The following CNTNAP5 variants were observed in gnomAD, a reference collection of about 807,000 sequenced individuals.
CNTNAP5 encodes the protein contactin associated protein family member 5, also known as contactin-associated protein-like 5.
A neutral mutation model predicts 150.2 loss-of-function variants in CNTNAP5; 72 were observed. That is an observed-to-expected ratio of 0.48 (90% CI 0.40 to 0.58). The LOEUF is 0.58. Ranked by LOEUF, CNTNAP5 falls within the 20% of genes least tolerant of loss-of-function variation. The pLI is 0.00. For synonymous variants in CNTNAP5, 672 were observed against 619.8 expected (o/e 1.08, Z -1.25); for missense variants, 1,636 against 1,626.2 (o/e 1.01, Z -0.10).
intron 3 of CNTNAP5, among the ~76,000 whole-genome samples, chr2:124,324,929 T>C (rs1458952872): frequency 1.3e-5 from 2 of 152,232 alleles, no homozygotes; most frequent in Non-Finnish European, 2.9e-5. Flanking sequence ...GCACACGGTT[T>C]GTGAAATGCT....
intron 3 of CNTNAP5, among the ~76,000 whole-genome samples, chr2:124,351,884 C>T (rs1319874695): frequency 1.3e-5 from 2 of 152,088 alleles, no homozygotes; most frequent in Non-Finnish European, 2.9e-5. Flanking sequence ...ATACACAACA[C>T]TAAGAGCTGG....
At chr2:124,052,557 T>G (rs1324549152) in intron 1 of CNTNAP5, among the ~76,000 whole-genome samples, 1 of 152,234 alleles carries the variant, frequency 6.6e-6, no homozygotes, top group Non-Finnish European at 1.5e-5. Flanking sequence ...AGATTTCCAT[T>G]CCAAAGTTCC....
At chr2:124,217,366 A>G (rs1196362279) in intron 1 of CNTNAP5, among the ~76,000 whole-genome samples, 1 of 152,136 alleles carries the variant, frequency 6.6e-6, no homozygotes, top group Non-Finnish European at 1.5e-5. Flanking sequence ...GTTCAGACAC[A>G]CTGTTAGAAG....
chr2:124,246,880 T>C (rs759102094), intron 3 of CNTNAP5, among the ~76,000 whole-genome samples: 1 of 152,164 alleles, frequency 6.6e-6, no homozygotes, highest in Non-Finnish European at 1.5e-5. Flanking sequence ...TTTCTCTTAT[T>C]AAAATTATGT....
intron 12 of CNTNAP5, among the ~76,000 whole-genome samples, chr2:124,643,626 C>A (rs889791474): frequency 2.6e-5 from 4 of 152,300 alleles, no homozygotes; most frequent in African/African-American, 9.6e-5. Context: ...GGAATGAAGT[C>A]CAAGCCCTCA....
intron 3 of CNTNAP5, among the ~76,000 whole-genome samples, chr2:124,274,503 T>C (rs926753182): frequency 2.6e-5 from 4 of 151,900 alleles, no homozygotes; most frequent in African/African-American, 9.7e-5. Flanking sequence ...GGTTTTTTTT[T>C]CCGCTGGCCA....
In CNTNAP5 at chr2:124,176,685, G is replaced by T. The variant is rs78297312; in HGVS notation, c.83-45020G>T. Among the ~76,000 whole-genome samples the T allele has an allele frequency of 3.4e-3, 523 of 152,158 alleles. 4 individuals carry two copies. Among genetic ancestry groups the T allele is most frequent in the African/African-American group, 0.012 (506 of 41,522 alleles). On this transcript the variant is annotated intron_variant, in intron 1 of 23. Coordinates refer to ENST00000682447, the MANE Select transcript of CNTNAP5 (RefSeq NM_001367498.1). The stretch of plus-strand genomic sequence containing the variant: ...GAGTATGATCTAATGTTTACAGACT[G>T]AGAGGGAAAAACAGACAAGCATTGT...
chr2:124,430,434 C>T (rs1432004524), intron 4 of CNTNAP5, among the ~76,000 whole-genome samples: 2 of 152,288 alleles, frequency 1.3e-5, no homozygotes, highest in African/African-American at 4.8e-5. Context: ...GTGGGCTCCA[C>T]ACACATTATC....
chr2:124,417,573 T>TCTAC lies in CNTNAP5; in HGVS notation c.513_516dup (p.Gly173LeufsTer6). 6.2e-7 allele frequency: 1 copy of TCTAC among 1,613,482 alleles called. No individual in the cohort carries two copies. The highest frequency in any genetic ancestry group is 1.1e-5 in the South Asian group (1 of 90,912). ...GGGAAGATTGGCATGAGAGTCGAGG[T>TCTAC]CTACGGATGTTCCTATAGTAAGTAC... On this transcript the variant is annotated frameshift_variant, in exon 4 of 24. Coordinates refer to ENST00000682447, the MANE Select transcript of CNTNAP5 (RefSeq NM_001367498.1). LOFTEE classifies it high-confidence loss of function.
At chr2:124,387,453 G>A (rs1006821390) in intron 3 of CNTNAP5, among the ~76,000 whole-genome samples, 3 of 152,220 alleles carry the variant, frequency 2.0e-5, no homozygotes, top group African/African-American at 4.8e-5. Flanking sequence ...GGCTGAATCC[G>A]AAAAGAGAGT....
At chr2:124,427,866 G>A (rs1454158800) in intron 4 of CNTNAP5, among the ~76,000 whole-genome samples, 1 of 152,162 alleles carries the variant, frequency 6.6e-6, no homozygotes, top group Non-Finnish European at 1.5e-5. Flanking sequence ...TGAGCACAGA[G>A]CTCCTCAAAC....
At chr2:124,669,813 G>A (rs1461140944) in intron 13 of CNTNAP5, among the ~76,000 whole-genome samples, 1 of 152,116 alleles carries the variant, frequency 6.6e-6, no homozygotes, top group African/African-American at 2.4e-5. Context: ...TAATCCAACT[G>A]GCTATCATTG....
At chr2:124,881,667 CACAGT>C (rs934121428) in intron 21 of CNTNAP5, among the ~76,000 whole-genome samples, 2 of 152,056 alleles carry the variant, frequency 1.3e-5, no homozygotes, top group Non-Finnish European at 2.9e-5. Context: ...TGGCGATGTC[CACAGT>C]AGTCCACAGC....
intron 3 of CNTNAP5, among the ~76,000 whole-genome samples, chr2:124,248,873 C>T (rs1435821537): frequency 6.6e-6 from 1 of 152,168 alleles, no homozygotes; most frequent in African/African-American, 2.4e-5. Flanking sequence ...TAGGATCCAA[C>T]AGCTGATATC....
intron 1 of CNTNAP5, among the ~76,000 whole-genome samples, chr2:124,156,037 T>A (rs1457105394): frequency 6.6e-6 from 1 of 152,186 alleles, no homozygotes; most frequent in African/African-American, 2.4e-5. Context: ...AAAGTGCATC[T>A]AAAAAAGGGT....
At chr2:124,869,069 G>A (rs1021589838) in intron 20 of CNTNAP5, among the ~76,000 whole-genome samples, 1 of 152,296 alleles carries the variant, frequency 6.6e-6, no homozygotes. Context: ...TGAAGTCCCA[G>A]TGTTGGCTTT....
intron 1 of CNTNAP5, among the ~76,000 whole-genome samples, chr2:124,094,718 A>G (rs1295191555): frequency 1.3e-5 from 2 of 152,284 alleles, no homozygotes; most frequent in African/African-American, 2.4e-5. Context: ...CACAACAGCA[A>G]CTGGTGTGGG....
At chr2:124,535,549 G>C (rs1172399304) in intron 10 of CNTNAP5, among the ~76,000 whole-genome samples, 1 of 149,668 alleles carries the variant, frequency 6.7e-6, no homozygotes, top group Non-Finnish European at 1.5e-5. Context: ...GGATCACAAG[G>C]TCAGGACATC....
chr2:124,124,749 G>A (rs1683646209), intron 1 of CNTNAP5, among the ~76,000 whole-genome samples: 2 of 152,118 alleles, frequency 1.3e-5, no homozygotes, highest in Admixed American at 1.3e-4. Context: ...AGAGAGTGGG[G>A]GCCAATATTC....
Sources: allele counts gnomAD v4.1 joint callset (sites outside exome capture counted in the v4.1 genomes callset), GRCh38; gene constraint gnomAD v4.1.1; transcripts MANE v1.5; gene names NCBI Gene and HGNC (gene_info 2026-07-23, HGNC 2026-07-21).